Variants in CPPED1 observed in about 807,000 individuals in gnomAD.
The protein encoded by CPPED1 is serine/threonine-protein phosphatase CPPED1.
Under a neutral mutation model 28.0 loss-of-function variants are expected in CPPED1, and 28 were observed. That is an observed-to-expected ratio of 1.00 (90% confidence interval 0.74 to 1.37). The LOEUF (loss-of-function observed/expected upper bound fraction) is 1.37. Ranked by LOEUF, CPPED1 falls within the 40% of genes most tolerant of loss-of-function variation. The pLI is 0.00. For missense variants in CPPED1, 504 were observed against 416.5 expected (o/e 1.21, Z -1.83); for synonymous variants, 198 against 180.2 (o/e 1.10, Z -0.79).
rs536711080 is a variant in CPPED1 at position 12,726,800 on chromosome 16, C to T, written c.290-21751G>A. On this transcript the variant is annotated intron_variant, in intron 2 of 3. Coordinates refer to ENST00000381774, the MANE Select transcript of CPPED1 (RefSeq NM_018340.3). The stretch of plus-strand genomic sequence containing the variant: ...CTCCAGCCTGGGTGACAGAGCAAGA[C>T]CCTGTCTCAAAATAAATAAATAAAT... Among the ~76,000 whole-genome samples, 3 of 151,956 alleles carry T rather than the reference C, an allele frequency of 2.0e-5. No individual in the cohort carries two copies. The South Asian group carries it at 6.2e-4, about 32-fold the overall frequency.
intron 3 of CPPED1, among the ~76,000 whole-genome samples, chr16:12,696,555 C>T (rs1354674284): frequency 1.3e-5 from 2 of 151,018 alleles, no homozygotes; most frequent in African/African-American, 2.4e-5. Flanking sequence ...GATTCTCGTG[C>T]CTCAGCCTCC....
rs904653737 is a variant in CPPED1, at chr16:12,709,865, G to GCAGGCAGT, written c.290-4824_290-4817dup. On this transcript the variant is annotated intron_variant, in intron 2 of 3. Coordinates refer to ENST00000381774, the MANE Select transcript of CPPED1 (RefSeq NM_018340.3). The surrounding 1 kb of genome is among the most constrained non-coding windows in gnomAD (Gnocchi z 4.4). ...CCTAGCCAGTGCAATAGGCAGGCAG[G>GCAGGCAGT]CAGGCAGTCAGGGAAGGAAGGGAAG... Among the ~76,000 whole-genome samples the GCAGGCAGT allele has an allele frequency of 8.6e-5, 13 of 151,512 alleles. No individual in the cohort carries two copies. Among genetic ancestry groups the GCAGGCAGT allele is most frequent in the Admixed American group, 4.6e-4 (7 of 15,180 alleles).
rs1372158653 is a variant in CPPED1, at chr16:12,664,555, T to C, written c.*331A>G. The C allele has an allele frequency of 1.8e-6, 2 of 1,112,876 alleles. No individual in the cohort carries two copies. The highest frequency in any genetic ancestry group is 1.1e-6 in the Non-Finnish European group (1 of 911,572). The allele number at this position is 1,112,876 out of a possible 1,614,324, so 68.9% of individuals were successfully genotyped here. On this transcript the variant is annotated 3_prime_UTR_variant, in exon 4 of 4. Transcript: ENST00000381774. The surrounding 1 kb of genome is among the most constrained non-coding windows in gnomAD (Gnocchi z 4.2). Reference sequence around the variant, plus strand: ...GGAATTGAGGTCGATAGGCAGACTTTGACCATATGCTAACCAGAATACAAT... The same window carrying C: ...GGAATTGAGGTCGATAGGCAGACTTCGACCATATGCTAACCAGAATACAAT...
At chr16:12,729,341 C>T (rs1341305403) in intron 2 of CPPED1, among the ~76,000 whole-genome samples, 3 of 151,974 alleles carry the variant, frequency 2.0e-5, no homozygotes, top group Non-Finnish European at 4.4e-5. Context: ...AAGGTTAAGA[C>T]GTTTTTATTT....
chr16:12,752,847 T>C (rs1219209459), intron 2 of CPPED1: 3 of 148,066 alleles, frequency 2.0e-5, no homozygotes, highest in African/African-American at 7.3e-5. Flanking sequence ...GATTATGTAT[T>C]ATATACTAGC....
At chr16:12,665,976 G>T (rs1244912128) in intron 3 of CPPED1, among the ~76,000 whole-genome samples, 4 of 151,954 alleles carry the variant, frequency 2.6e-5, no homozygotes, top group African/African-American at 9.7e-5. Context: ...AATTAGGAGG[G>T]CCTGGTGGCG....
chr16:12,782,958 C>A (rs1409097702), intron 1 of CPPED1, among the ~76,000 whole-genome samples: 2 of 152,038 alleles, frequency 1.3e-5, no homozygotes, highest in Non-Finnish European at 2.9e-5. Context: ...CTGTAATTTC[C>A]AAAAAGCTCC....
At chr16:12,746,737 C>T (rs1340683574) in intron 2 of CPPED1, among the ~76,000 whole-genome samples, 2 of 151,918 alleles carry the variant, frequency 1.3e-5, no homozygotes, top group African/African-American at 4.8e-5. Flanking sequence ...TATGTGACAC[C>T]CATAGCACAA....
chr16:12,775,000 T>C (rs957070530), intron 2 of CPPED1, among the ~76,000 whole-genome samples: 1 of 152,114 alleles, frequency 6.6e-6, no homozygotes, highest in Non-Finnish European at 1.5e-5. Context: ...TTCTATTTTT[T>C]GTATAGACGG....
intron 2 of CPPED1, among the ~76,000 whole-genome samples, chr16:12,762,060 T>A (rs1181906487): frequency 6.7e-6 from 1 of 149,184 alleles, no homozygotes; most frequent in East Asian, 1.9e-4. Context: ...GAAAGGTAAA[T>A]TTTTTTTTTA....
chr16:12,722,836 C>T (rs907714034), intron 2 of CPPED1, among the ~76,000 whole-genome samples: 1 of 152,186 alleles, frequency 6.6e-6, no homozygotes, highest in Admixed American at 6.5e-5. Context: ...GACCCCAAGG[C>T]TGGGTGGTGC....
In CPPED1 at chr16:12,781,182, T is replaced by C. The variant is rs1428124423; in HGVS notation, c.289+3A>G. The stretch of plus-strand genomic sequence containing the variant: ...AGGTCACAAGCGATGACCCGAGTCT[T>C]ACCTGGCATGGCGTGGATGAGGTCG... On this transcript the variant is annotated splice_donor_region_variant and intron_variant, in intron 2 of 3. Transcript: ENST00000381774. The C allele has an allele frequency of 1.2e-6, 2 of 1,611,070 alleles. No individual in the cohort carries two copies. The highest frequency in any genetic ancestry group is 1.7e-6 in the Non-Finnish European group (2 of 1,178,638).
chr16:12,664,504 C>A lies in CPPED1; in HGVS notation c.*382G>T. 9.4e-7 allele frequency: 1 copy of A among 1,059,644 alleles called. No individual in the cohort carries two copies. The highest frequency in any genetic ancestry group is 1.1e-6 in the Non-Finnish European group (1 of 877,544). The allele number at this position is 1,059,644 out of a possible 1,614,324, so 65.6% of individuals were successfully genotyped here. A position where few individuals can be genotyped will look rare whatever the true frequency, so the allele number is the denominator to read the frequency against. ...AGGTGTAGTTTGTTTAAGGAATTAT[C>A]AAAGATCATACTTGGCTGTCAGATT... On this transcript the variant is annotated 3_prime_UTR_variant, in exon 4 of 4. Transcript: ENST00000381774. This position sits in a 1 kb window ranked among gnomAD's most constrained non-coding sequence, Gnocchi z 4.2.
At position 12,799,660 on chromosome 16, in the gene CPPED1, C is replaced by T. The variant is rs571312680; in HGVS notation, c.70+4047G>A. Among the ~76,000 whole-genome samples, 3 of 152,316 alleles carry T rather than the reference C, an allele frequency of 2.0e-5. No individual in the cohort carries two copies. The South Asian group carries it at 6.2e-4, about 32-fold the overall frequency. On this transcript the variant is annotated intron_variant, in intron 1 of 3. Coordinates refer to ENST00000381774, the MANE Select transcript of CPPED1 (RefSeq NM_018340.3). Reference sequence around the variant, plus strand: ...TAAGGGCACCTCTCCAAGTTGCCAGCGATGCTAATAGAGTCAGGACCCCGG... The same window carrying T: ...TAAGGGCACCTCTCCAAGTTGCCAGTGATGCTAATAGAGTCAGGACCCCGG...
chr16:12,666,239 C>G (rs2079825204), intron 3 of CPPED1, among the ~76,000 whole-genome samples: 1 of 152,140 alleles, frequency 6.6e-6, no homozygotes, highest in African/African-American at 2.4e-5. Flanking sequence ...ACAGAAAACC[C>G]AAGGTCACAG....
rs1157505416 is a variant in CPPED1 at position 12,682,126 on chromosome 16, T to C, written c.716-17011A>G. 6.6e-6 allele frequency among the ~76,000 whole-genome samples: 1 copy of C among 152,102 alleles called. No individual in the cohort carries two copies. The highest frequency in any genetic ancestry group is 2.4e-5 in the African/African-American group (1 of 41,400). ...TTGGCTCACTGCAACTTGCGTATCCTGGGTTCAAGCAGTTCTCCCTGCCTC... is the reference window on the plus strand; with the variant it reads ...TTGGCTCACTGCAACTTGCGTATCCCGGGTTCAAGCAGTTCTCCCTGCCTC... On this transcript the variant is annotated intron_variant, in intron 3 of 3. Coordinates refer to ENST00000381774, the MANE Select transcript of CPPED1 (RefSeq NM_018340.3). The surrounding 1 kb of genome is among the most constrained non-coding windows in gnomAD (Gnocchi z 6.1).
chr16:12,778,812 T>C (rs967394510), intron 2 of CPPED1, among the ~76,000 whole-genome samples: 6 of 152,200 alleles, frequency 3.9e-5, no homozygotes, highest in Non-Finnish European at 8.8e-5. Flanking sequence ...TCAAAACAGT[T>C]ACATTCCTTT....
chr16:12,791,224 C>A (rs2080594747), intron 1 of CPPED1, among the ~76,000 whole-genome samples: 1 of 151,970 alleles, frequency 6.6e-6, no homozygotes, highest in South Asian at 2.1e-4. Flanking sequence ...TTGCCCCCGA[C>A]CTCCCAACAG....
chr16:12,697,310 T>G (rs1186428960), intron 3 of CPPED1, among the ~76,000 whole-genome samples: 2 of 152,232 alleles, frequency 1.3e-5, no homozygotes, highest in African/African-American at 2.4e-5. Flanking sequence ...TCTATTTTTT[T>G]CTAATACATG....
Sources: allele counts gnomAD v4.1 joint callset (sites outside exome capture counted in the v4.1 genomes callset), GRCh38; gene constraint gnomAD v4.1.1; non-coding constraint Gnocchi (gnomAD v3.1); transcripts MANE v1.5; gene names NCBI Gene and HGNC (gene_info 2026-07-23, HGNC 2026-07-21).